PCDHGA1: variants seen among roughly 807,000 people sequenced by gnomAD.
PCDHGA1 encodes the protein protocadherin gamma-A1.
Under a neutral mutation model 58.0 loss-of-function variants are expected in PCDHGA1, and 32 were observed. The observed-to-expected ratio is 0.55, with a 90% CI of 0.42 to 0.74. PCDHGA1 has a LOEUF of 0.74. Among genes scored for constraint, PCDHGA1 ranks in the 30% least tolerant of loss-of-function variants. The probability of loss-of-function intolerance (pLI) is 0.00; values close to 1 mark genes in which losing one functional copy is unlikely to be tolerated. For synonymous variants in PCDHGA1, 498 were observed against 501.1 expected (o/e 0.99, Z 0.08); for missense variants, 1,205 against 1,182.3 (o/e 1.02, Z -0.28).
At chr5:141,400,166 C>T (rs370071207) in intron 1 of PCDHGA1, 80 of 1,613,954 alleles carry the variant, frequency 5.0e-5, no homozygotes, top group South Asian at 7.7e-5. Context: ...CCCTCTGACC[C>T]CCAGGCTGAG....
At chr5:141,383,188 G>T (rs762386846) in intron 1 of PCDHGA1, 26 of 1,614,064 alleles carry the variant, frequency 1.6e-5, no homozygotes, top group Non-Finnish European at 2.1e-5. Context: ...AGAGATCTGC[G>T]CTCAGAGTGC....
rs745989563 is a variant in PCDHGA1, at chr5:141,490,728, T to G, written c.2422-4079T>G. The G allele has an allele frequency of 6.2e-7, 1 of 1,614,148 alleles. No individual in the cohort carries two copies. Among genetic ancestry groups the G allele is most frequent in the East Asian group, 2.2e-5 (1 of 44,882 alleles). ...GCCTCACCTACTCCATTGTAGGAAA[T>G]CAGGTTCAGGGAGCCCCAGCCTCCT... On this transcript the variant is annotated intron_variant, in intron 1 of 3. Transcript: ENST00000517417. The surrounding 1 kb of genome is among the most constrained non-coding windows in gnomAD (Gnocchi z 5.4).
chr5:141,344,582 T>C (rs756580240), intron 1 of PCDHGA1: 19 of 1,613,860 alleles, frequency 1.2e-5, no homozygotes, highest in Admixed American at 1.7e-5. Context: ...TGGCTGTGAA[T>C]AGCGTCTCTG....
Position 141,360,572 on chromosome 5 carries a change from C to G in PCDHGA1, c.2421+27467C>G, listed in dbSNP as rs962315803. ...ATTAATTTAAAAATTGGCGAATCCA[C>G]TAAGCCAGGTACAACATTTCCACTT... On this transcript the variant is annotated intron_variant, in intron 1 of 3. Coordinates refer to ENST00000517417, the MANE Select transcript of PCDHGA1 (RefSeq NM_018912.3). 2.5e-6 allele frequency: 4 copies of G among 1,613,998 alleles called. No individual in the cohort carries two copies. The South Asian group carries it at 3.3e-5, about 13-fold the overall frequency.
At chr5:141,411,578 T>C (rs892738350) in intron 1 of PCDHGA1, 10 of 152,194 alleles carry the variant, frequency 6.6e-5, no homozygotes, top group African/African-American at 2.4e-4. Flanking sequence ...AGTGCGACCC[T>C]GTCTCTAAAA....
intron 1 of PCDHGA1, among the ~76,000 whole-genome samples, chr5:141,445,415 C>A (rs1235584061): frequency 6.6e-6 from 1 of 152,140 alleles, no homozygotes; most frequent in Non-Finnish European, 1.5e-5. Context: ...TAACTGTCTG[C>A]TATATGCAAG....
chr5:141,419,032 A>G (rs1421513275), intron 1 of PCDHGA1: 2 of 1,614,004 alleles, frequency 1.2e-6, no homozygotes, highest in Non-Finnish European at 1.7e-6. Flanking sequence ...GAGGTGTTCC[A>G]TTTAAGATTC....
Position 141,331,777 on chromosome 5 carries a change from A to G in PCDHGA1, c.1093A>G (p.Ile365Val). The change falls in exon 1 of 4, where the codon ATA (isoleucine) becomes GTA (valine). Residue 365 changes from isoleucine (I) to valine (V), a missense_variant. Ile to Val is a conservative substitution (Grantham distance 29, BLOSUM62 3). Coordinates refer to ENST00000517417, the MANE Select transcript of PCDHGA1 (RefSeq NM_018912.3). ...AVPENFPPGT[I>V]IALISVHDQD... ...TCCAGAAAACTTTCCTCCTGGGACC[A>G]TAATTGCTCTTATCAGTGTGCATGA... 6.2e-7 allele frequency: 1 copy of G among 1,614,222 alleles called. No individual in the cohort carries two copies. The highest frequency in any genetic ancestry group is 2.2e-5 in the East Asian group (1 of 44,888).
Position 141,491,874 on chromosome 5 carries a change from T to G in PCDHGA1, c.2422-2933T>G, listed in dbSNP as rs1160702024. On this transcript the variant is annotated intron_variant, in intron 1 of 3. Coordinates refer to ENST00000517417, the MANE Select transcript of PCDHGA1 (RefSeq NM_018912.3). The surrounding 1 kb of genome is among the most constrained non-coding windows in gnomAD (Gnocchi z 6.9). ...GTTTGCGCGAAACCAGAGTGGCCGA[T>G]TAAGGGATGGGGCTCCGAGCACCGG... 15 of 1,451,168 alleles carry G rather than the reference T, an allele frequency of 1.0e-5. No homozygotes were observed. The highest frequency in any genetic ancestry group is 1.4e-5 in the Non-Finnish European group (15 of 1,098,162). 89.9% of individuals were successfully genotyped at this position (1,451,168 alleles called of 1,614,324 possible). A position where few individuals can be genotyped will look rare whatever the true frequency, so the allele number is the denominator to read the frequency against.
chr5:141,511,373 G>T lies in PCDHGA1; in HGVS notation c.*200G>T. On this transcript the variant is annotated 3_prime_UTR_variant, in exon 4 of 4. Transcript: ENST00000517417. ...CCCCCAGGGGGTTGAATATGCAAAA[G>T]CAGTTCCGCTGGGAACCCCCATCCA... 8.0e-7 allele frequency: 1 copy of T among 1,251,332 alleles called. No homozygotes were observed. The highest frequency in any genetic ancestry group is 1.6e-5 in the South Asian group (1 of 63,796). The allele number at this position is 1,251,332 out of a possible 1,614,324, so 77.5% of individuals were successfully genotyped here.
chr5:141,423,358 G>T (rs202010010), intron 1 of PCDHGA1: 1 of 1,614,196 alleles, frequency 6.2e-7, no homozygotes, highest in South Asian at 1.1e-5. Flanking sequence ...CTTTGTCATC[G>T]TGCTGCTGGC....
Position 141,432,488 on chromosome 5 carries a change from C to G in PCDHGA1, c.2422-62319C>G. 6.2e-7 allele frequency: 1 copy of G among 1,614,202 alleles called. No homozygotes were observed. Among genetic ancestry groups the G allele is most frequent in the Non-Finnish European group, 8.5e-7 (1 of 1,180,048 alleles). On this transcript the variant is annotated intron_variant, in intron 1 of 3. Coordinates refer to ENST00000517417, the MANE Select transcript of PCDHGA1 (RefSeq NM_018912.3). This position sits in a 1 kb window ranked among gnomAD's most constrained non-coding sequence, Gnocchi z 6.0. ...CACGGACGGTTCCACTGGCGTGGAGCTGGCTCCCCGCTCCGCAGAGCCCGG... is the reference window on the plus strand; with the variant it reads ...CACGGACGGTTCCACTGGCGTGGAGGTGGCTCCCCGCTCCGCAGAGCCCGG...
intron 1 of PCDHGA1, among the ~76,000 whole-genome samples, chr5:141,363,849 A>C (rs1476052726): frequency 6.6e-6 from 1 of 152,206 alleles, no homozygotes; most frequent in African/African-American, 2.4e-5. Flanking sequence ...AATTTAATGG[A>C]CTAAATATAG....
chr5:141,369,146 G>A (rs1450558377), intron 1 of PCDHGA1, among the ~76,000 whole-genome samples: 4 of 152,168 alleles, frequency 2.6e-5, no homozygotes, highest in African/African-American at 7.2e-5. Context: ...AAAATGGCAT[G>A]TTATTGACCA....
At chr5:141,338,949 G>C (rs1756792469) in intron 1 of PCDHGA1, 1 of 1,524,042 alleles carries the variant, frequency 6.6e-7, no homozygotes, top group Admixed American at 2.2e-5. Flanking sequence ...AGTTGACTCG[G>C]AGAAAATTGC....
intron 1 of PCDHGA1, chr5:141,355,285 G>A: frequency 2.5e-6 from 4 of 1,613,814 alleles, no homozygotes; most frequent in Non-Finnish European, 3.4e-6. Context: ...AATCAGGGCC[G>A]AACAGATTCT....
At chr5:141,364,906 G>A (rs1432119557) in intron 1 of PCDHGA1, 2 of 1,613,942 alleles carry the variant, frequency 1.2e-6, no homozygotes, top group Admixed American at 3.3e-5. Context: ...AAAAGTATCC[G>A]GAGCTGGTGT....
intron 1 of PCDHGA1, chr5:141,409,193 TGTAAA>T (rs2095239502): frequency 1.2e-6 from 2 of 1,613,988 alleles, no homozygotes; most frequent in African/African-American, 1.3e-5. Context: ...CTCTACCCAG[TGTAAA>T]GTAATCATAG....
intron 2 of PCDHGA1, among the ~76,000 whole-genome samples, chr5:141,498,601 G>A (rs2099784606): frequency 6.6e-6 from 1 of 152,126 alleles, no homozygotes; most frequent in African/African-American, 2.4e-5. Flanking sequence ...CTTGGTTCAA[G>A]TTCAAGTCAG....
Sources: gnomAD v4.1 joint callset for allele counts (sites outside exome capture counted in the v4.1 genomes callset) on GRCh38, gnomAD v4.1.1 for gene constraint, Gnocchi (gnomAD v3.1) non-coding constraint, MANE v1.5 for transcripts, NCBI Gene and HGNC (gene_info 2026-07-23, HGNC 2026-07-21) for gene names.